GPR180: variants seen among roughly 807,000 people sequenced by gnomAD.
GPR180 encodes G protein-coupled receptor 180.
Under a neutral mutation model 52.6 loss-of-function variants are expected in GPR180, and 53 were observed. The observed-to-expected ratio is 1.01, with a 90% CI of 0.81 to 1.27. The LOEUF is 1.27. GPR180 is among the 50% of genes most tolerant of loss of function. The pLI is 0.00. For missense variants in GPR180, 533 were observed against 527.0 expected, an observed-to-expected ratio of 1.01 and a Z score of -0.11; for synonymous variants, 200 against 193.1, an observed-to-expected ratio of 1.04 and a Z score of -0.30.
Position 94,629,320 on chromosome 13 carries a change from T to C in GPR180, c.*2149T>C, listed in dbSNP as rs1566985392. ...CAGATAATGCTTTTTTATGTGTTTT[T>C]ACATTTTTTGAAAGAAGATAAATGG... On this transcript the variant is annotated 3_prime_UTR_variant, in exon 9 of 9. Coordinates refer to ENST00000376958, the MANE Select transcript of GPR180 (RefSeq NM_180989.6). 1 of 152,200 alleles carries C rather than the reference T, an allele frequency of 6.6e-6. No homozygotes were observed. Among genetic ancestry groups the C allele is most frequent in the Non-Finnish European group, 1.5e-5 (1 of 67,996 alleles). The allele number at this position is 152,200 out of a possible 1,614,324, so 9.4% of individuals were successfully genotyped here.
chr13:94,627,080 C>T lies in GPR180; in HGVS notation c.1232C>T (p.Ser411Phe). The T allele has an allele frequency of 1.2e-6, 2 of 1,611,022 alleles. No individual in the cohort carries two copies. Among genetic ancestry groups the T allele is most frequent in the South Asian group, 2.2e-5 (2 of 90,986 alleles). Residue 411 changes from serine to phenylalanine, a missense_variant, in exon 9 of 9, where the codon TCT (serine) becomes TTT (phenylalanine). Transcript: ENST00000376958. ...GTTATTCTCTACAGACTCTTTCTGT[C>T]TCACAGTCTATACTGGGAAGTTTCT... ...SMVILYRLFL[S>F]HSLYWEVSSL...
Position 94,606,829 on chromosome 13 carries a change from G to A in GPR180, c.304+1280G>A, listed in dbSNP as rs561644701. On this transcript the variant is annotated intron_variant, in intron 2 of 8. Transcript: ENST00000376958. ...TGTGAGATGATATTGTGAGAAGATA[G>A]TATCCTAAAGATGAATGACAATTAC... Among the ~76,000 whole-genome samples, 5 of 152,358 alleles carry A rather than the reference G, an allele frequency of 3.3e-5. No homozygotes were observed. In the South Asian group the frequency reaches 1.0e-3, roughly 32 times the overall value.
intron 5 of GPR180, among the ~76,000 whole-genome samples, chr13:94,620,420 A>T (rs780176738): frequency 6.6e-6 from 1 of 152,222 alleles, no homozygotes; most frequent in Non-Finnish European, 1.5e-5. Context: ...GTTAACCTGG[A>T]TACAGGTGGT....
rs1376062956 is a variant in GPR180 at position 94,623,131 on chromosome 13, A to G, written c.917A>G (p.Gln306Arg). The stretch of plus-strand genomic sequence containing the variant: ...CAGAGTGTTTTGCTACTTTGGGAAC[A>G]GTTTGAAGATATCAGTCATCATAGC... ...MTQSVLLLWE[Q>R]FEDISHHSYH... is the part of the protein sequence containing the mutation. Residue 306 changes from glutamine to arginine, a missense_variant, in exon 7 of 9, where the codon CAG becomes CGG. Transcript: ENST00000376958. 6.2e-7 allele frequency: 1 copy of G among 1,613,148 alleles called. No individual in the cohort carries two copies. The highest frequency in any genetic ancestry group is 1.1e-5 in the South Asian group (1 of 90,946).
In GPR180 at chr13:94,619,304, T is replaced by G; in HGVS notation, c.660T>G (p.Ala220=). The change falls in exon 4 of 9, where the codon GCT becomes GCG. Residue 220 remains alanine (A), a synonymous_variant. Coordinates refer to ENST00000376958, the MANE Select transcript of GPR180 (RefSeq NM_180989.6). The part of the protein sequence containing the change: ...TTALLLQAGS[A]LANYIHFSSY... Reference sequence around the variant, plus strand: ...CATTGCTGTTACAAGCTGGTTCAGCTTTAGCTAATTACATTCATTTCTCCA... The same window carrying G: ...CATTGCTGTTACAAGCTGGTTCAGCGTTAGCTAATTACATTCATTTCTCCA... The G allele has an allele frequency of 1.3e-5, 21 of 1,614,040 alleles. No homozygotes were observed. Among genetic ancestry groups the G allele is most frequent in the Non-Finnish European group, 1.8e-5 (21 of 1,179,960 alleles).
At position 94,633,251 on chromosome 13, in the gene GPR180, G is replaced by A. The variant is rs1834734958; in HGVS notation, c.*6080G>A. 1.3e-5 allele frequency: 2 copies of A among 152,108 alleles called. No homozygotes were observed. The highest frequency in any genetic ancestry group is 2.9e-5 in the Non-Finnish European group (2 of 68,016). The allele number at this position is 152,108 out of a possible 1,614,324, so 9.4% of individuals were successfully genotyped here. On this transcript the variant is annotated 3_prime_UTR_variant, in exon 9 of 9. Transcript: ENST00000376958. ...CTGAAGTGAGGGCAGTCATATGGAG[G>A]ACTGGGCCCTTAATCTGTGAAGTTT...
chr13:94,606,915 CTT>C (rs2139564039), intron 2 of GPR180, among the ~76,000 whole-genome samples: 1 of 152,360 alleles, frequency 6.6e-6, no homozygotes, highest in African/African-American at 2.4e-5. Flanking sequence ...TGCAGATTCT[CTT>C]GATTGGTTGT....
rs1353538531 is a variant in GPR180, at chr13:94,621,153, TGAA to T, written c.817_819del (p.Lys273del). 1.2e-6 allele frequency: 2 copies of T among 1,612,754 alleles called. No individual in the cohort carries two copies. Among genetic ancestry groups the T allele is most frequent in the Non-Finnish European group, 8.5e-7 (1 of 1,179,726 alleles). ...TGCATGGGTTGGACAATAGTCAGAATGAAGAAGTCTCAAAGCAGACCTCTCCAG... is the reference window on the plus strand; with the variant it reads ...TGCATGGGTTGGACAATAGTCAGAATGAAGTCTCAAAGCAGACCTCTCCAG... On this transcript the variant is annotated inframe_deletion, in exon 6 of 9. Transcript: ENST00000376958.
rs1202246052 is a variant in GPR180, at chr13:94,634,394, A to G, written c.*7223A>G. On this transcript the variant is annotated 3_prime_UTR_variant, in exon 9 of 9. Transcript: ENST00000376958. ...GATTTTTTAAAACTTGTATACATAT[A>G]TAGTACATATTATATATACTTATAT... The G allele has an allele frequency of 6.6e-6, 1 of 152,026 alleles. No individual in the cohort carries two copies. Among genetic ancestry groups the G allele is most frequent in the Non-Finnish European group, 1.5e-5 (1 of 68,000 alleles). 9.4% of individuals were successfully genotyped at this position (152,026 alleles called of 1,614,324 possible). A position where few individuals can be genotyped will look rare whatever the true frequency, so the allele number is the denominator to read the frequency against.
At chr13:94,624,069 C>T (rs961911477) in intron 7 of GPR180, among the ~76,000 whole-genome samples, 2 of 152,188 alleles carry the variant, frequency 1.3e-5, no homozygotes, top group Non-Finnish European at 2.9e-5. Flanking sequence ...GCCAGCCTCA[C>T]CCCATCCACA....
In GPR180 at chr13:94,629,517, AG is replaced by A. The variant is rs1306221032; in HGVS notation, c.*2347del. 6.6e-6 allele frequency: 1 copy of A among 152,188 alleles called. No individual in the cohort carries two copies. Among genetic ancestry groups the A allele is most frequent in the African/African-American group, 2.4e-5 (1 of 41,438 alleles). 9.4% of individuals were successfully genotyped at this position (152,188 alleles called of 1,614,324 possible). Reference sequence around the variant, plus strand: ...TGATAACCAGGCTCCCATTTAACTGAGTATAAGAGAGAATAAATGATTTCTC... The same window carrying A: ...TGATAACCAGGCTCCCATTTAACTGATATAAGAGAGAATAAATGATTTCTC... On this transcript the variant is annotated 3_prime_UTR_variant, in exon 9 of 9. Transcript: ENST00000376958.
At position 94,627,551 on chromosome 13, in the gene GPR180, A is replaced by G. The variant is rs939669526; in HGVS notation, c.*380A>G. 25 of 193,686 alleles carry G rather than the reference A, an allele frequency of 1.3e-4. No homozygotes were observed. Among genetic ancestry groups the G allele is most frequent in the Non-Finnish European group, 2.6e-4 (25 of 96,346 alleles). 12.0% of individuals were successfully genotyped at this position (193,686 alleles called of 1,614,324 possible). On this transcript the variant is annotated 3_prime_UTR_variant, in exon 9 of 9. Coordinates refer to ENST00000376958, the MANE Select transcript of GPR180 (RefSeq NM_180989.6). ...TAATCAGTTAAATGATTACTTGCTTATAAATATCTAAACTAGTCCAGTTAT... is the reference window on the plus strand; with the variant it reads ...TAATCAGTTAAATGATTACTTGCTTGTAAATATCTAAACTAGTCCAGTTAT...
In GPR180 at chr13:94,633,498, AC is replaced by A. The variant is rs1329706943; in HGVS notation, c.*6329del. On this transcript the variant is annotated 3_prime_UTR_variant, in exon 9 of 9. Transcript: ENST00000376958. ...TTCTCTTATTAATTTTTGTTTTAAAACCATTTTCTTTCCAGTTCTACGATCT... is the reference window on the plus strand; with the variant it reads ...TTCTCTTATTAATTTTTGTTTTAAAACATTTTCTTTCCAGTTCTACGATCT... 6 of 151,922 alleles carry A rather than the reference AC, an allele frequency of 3.9e-5. No individual in the cohort carries two copies. Among genetic ancestry groups the A allele is most frequent in the Non-Finnish European group, 8.8e-5 (6 of 67,964 alleles). 9.4% of individuals were successfully genotyped at this position (151,922 alleles called of 1,614,324 possible).
intron 1 of GPR180, among the ~76,000 whole-genome samples, chr13:94,602,323 A>C (rs1419004546): frequency 6.6e-6 from 1 of 152,136 alleles, no homozygotes; most frequent in Non-Finnish European, 1.5e-5. Flanking sequence ...CCGCACCTGA[A>C]AGCTGGTTTC....
chr13:94,605,655 C>A, intron 2 of GPR180, 106 bp downstream of exon 2: 1 of 875,262 alleles, frequency 1.1e-6, no homozygotes, highest in Non-Finnish European at 1.7e-6. Context: ...CAGCATAATC[C>A]CACTGTGATG....
At chr13:94,622,674 A>G (rs1294003634) in intron 6 of GPR180, among the ~76,000 whole-genome samples, 4 of 152,218 alleles carry the variant, frequency 2.6e-5, no homozygotes, top group South Asian at 2.1e-4. Context: ...CCTGGGTTCA[A>G]GTGATTCTCC....
At chr13:94,625,615 A>G (rs1368970928) in intron 7 of GPR180, among the ~76,000 whole-genome samples, 2 of 152,196 alleles carry the variant, frequency 1.3e-5, no homozygotes, top group African/African-American at 4.8e-5. Flanking sequence ...TCAGCATGCA[A>G]ATATGAATGT....
rs548580510 is a variant in GPR180, at chr13:94,622,783, C to G, written c.895-326C>G. On this transcript the variant is annotated intron_variant, in intron 6 of 8. Transcript: ENST00000376958. ...AGAGGTGGGGTTTCACCATGTTGGC[C>G]AGGCTGGTCTCGAACTCCTGACCTC... 2.0e-5 allele frequency among the ~76,000 whole-genome samples: 3 copies of G among 152,288 alleles called. No homozygotes were observed. The South Asian group carries it at 6.2e-4, about 32-fold the overall frequency.
intron 2 of GPR180, among the ~76,000 whole-genome samples, chr13:94,611,204 A>G (rs1280132490): frequency 6.6e-6 from 1 of 152,164 alleles, no homozygotes; most frequent in Non-Finnish European, 1.5e-5. Flanking sequence ...GACCTGATCC[A>G]GTATAATAAC....
Sources: gnomAD v4.1 joint callset for allele counts (sites outside exome capture counted in the v4.1 genomes callset) on GRCh38, gnomAD v4.1.1 for gene constraint, MANE v1.5 for transcripts, NCBI Gene and HGNC (gene_info 2026-07-23, HGNC 2026-07-21) for gene names.